Variants in LUZP2 observed in about 807,000 individuals in gnomAD.
LUZP2 encodes leucine zipper protein 2.
A neutral mutation model predicts 51.6 loss-of-function variants in LUZP2; 52 were observed. The ratio of observed to expected loss-of-function variants is 1.01; its 90% CI spans 0.81 to 1.27. The LOEUF (loss-of-function observed/expected upper bound fraction) is 1.27, where lower values mean the gene tolerates loss of function less well. LUZP2 is among the 50% of genes most tolerant of loss of function. LUZP2 has a pLI of 0.00. For missense variants in LUZP2, 436 were observed against 395.4 expected (o/e 1.10, Z -0.87); for synonymous variants, 154 against 137.3 (o/e 1.12, Z -0.85).
At chr11:24,623,793 G>A (rs1281376101) in intron 1 of LUZP2, among the ~76,000 whole-genome samples, 1 of 152,156 alleles carries the variant, frequency 6.6e-6, no homozygotes, top group Non-Finnish European at 1.5e-5. Flanking sequence ...GTTGCAGTGA[G>A]CTGAGGTCAC....
At chr11:24,762,155 T>C (rs542084774) in intron 4 of LUZP2, among the ~76,000 whole-genome samples, 156 of 152,294 alleles carry the variant, frequency 1.0e-3, no homozygotes, top group Admixed American at 4.5e-3. Context: ...TAAAGTTGTG[T>C]ATATGGTAAA....
chr11:25,058,841 A>C (rs1858757854), intron 10 of LUZP2, among the ~76,000 whole-genome samples: 1 of 152,176 alleles, frequency 6.6e-6, no homozygotes, highest in Non-Finnish European at 1.5e-5. Context: ...CTTGCTTTTC[A>C]GTTTCTTAAC....
chr11:24,841,143 A>T (rs1429017160), intron 5 of LUZP2, among the ~76,000 whole-genome samples: 1 of 151,940 alleles, frequency 6.6e-6, no homozygotes, highest in African/African-American at 2.4e-5. Context: ...GTATTAGGAG[A>T]TGAAGCCTTT....
At chr11:24,956,571 G>A (rs2133870936) in intron 7 of LUZP2, among the ~76,000 whole-genome samples, 1 of 152,172 alleles carries the variant, frequency 6.6e-6, no homozygotes, top group South Asian at 2.1e-4. Context: ...GAGTGAAAAT[G>A]TTTTTCAACA....
At chr11:24,927,099 T>G (rs1020446601) in intron 7 of LUZP2, among the ~76,000 whole-genome samples, 1 of 151,766 alleles carries the variant, frequency 6.6e-6, no homozygotes, top group East Asian at 1.9e-4. Flanking sequence ...TGGGATCTTT[T>G]TTTTTTTCTT....
chr11:24,887,771 G>A (rs1358647497), intron 5 of LUZP2, among the ~76,000 whole-genome samples: 1 of 152,164 alleles, frequency 6.6e-6, no homozygotes, highest in Non-Finnish European at 1.5e-5. Context: ...ATATTTAAAA[G>A]GGCAAATGTA....
chr11:24,957,538 G>A lies in LUZP2; in HGVS notation c.523-19053G>A, dbSNP rs199631969. 1.1e-4 allele frequency among the ~76,000 whole-genome samples: 16 copies of A among 151,796 alleles called. No homozygotes were observed. The East Asian group carries it at 2.5e-3, about 24-fold the overall frequency. ...TGCTTCCCAGCCTCTATTTACCACC[G>A]TCCAACTCTCTGCTTTGAGTTTGTT... On this transcript the variant is annotated intron_variant, in intron 7 of 11. Transcript: ENST00000336930.
Position 24,993,966 on chromosome 11 carries a change from T to G in LUZP2, c.765+10673T>G, listed in dbSNP as rs573214628. 9.2e-4 allele frequency among the ~76,000 whole-genome samples: 140 copies of G among 152,298 alleles called. 2 individuals are homozygous for G. Among genetic ancestry groups the G allele is most frequent in the Middle Eastern group, 6.8e-3 (2 of 294 alleles). On this transcript the variant is annotated intron_variant, in intron 9 of 11. Coordinates refer to ENST00000336930, the MANE Select transcript of LUZP2 (RefSeq NM_001009909.4). ...GCCTCCGCCTCCGGGGTTCAAGTGA[T>G]TCTCCTGCCTCAGCCTCCTGAGTAG...
At chr11:24,678,766 C>T (rs1194157811) in intron 1 of LUZP2, among the ~76,000 whole-genome samples, 1 of 152,208 alleles carries the variant, frequency 6.6e-6, no homozygotes, top group Non-Finnish European at 1.5e-5. Flanking sequence ...TTCAGTCCCT[C>T]TGGAAAGCAC....
At chr11:25,061,415 G>A (rs1266388471) in intron 10 of LUZP2, among the ~76,000 whole-genome samples, 1 of 152,132 alleles carries the variant, frequency 6.6e-6, no homozygotes, top group Non-Finnish European at 1.5e-5. Flanking sequence ...TATCTGAGAG[G>A]CAGTGTTTAA....
intron 9 of LUZP2, among the ~76,000 whole-genome samples, chr11:24,999,294 A>T (rs888273224): frequency 2.0e-5 from 3 of 151,954 alleles, no homozygotes; most frequent in African/African-American, 7.2e-5. Flanking sequence ...CCATGGGGAG[A>T]TACAGATATT....
intron 1 of LUZP2, among the ~76,000 whole-genome samples, chr11:24,546,631 C>A (rs1851552962): frequency 6.6e-6 from 1 of 151,964 alleles, no homozygotes; most frequent in South Asian, 2.1e-4. Context: ...GCCCACTTTA[C>A]TGTGGTGAAT....
chr11:25,037,527 A>G (rs59899970), intron 9 of LUZP2, among the ~76,000 whole-genome samples: 2,687 of 152,108 alleles, frequency 0.018, 82 homozygotes, highest in African/African-American at 0.06. Context: ...TGTAGATTTG[A>G]TTGTGTAGTT....
intron 5 of LUZP2, among the ~76,000 whole-genome samples, chr11:24,903,685 T>C (rs1229396119): frequency 2.0e-5 from 3 of 152,114 alleles, no homozygotes; most frequent in South Asian, 2.1e-4. Context: ...GGTTATCTGC[T>C]CTCCTTTAGC....
chr11:24,721,589 G>A (rs889657685), intron 1 of LUZP2, among the ~76,000 whole-genome samples: 2 of 152,076 alleles, frequency 1.3e-5, no homozygotes, highest in African/African-American at 2.4e-5. Flanking sequence ...AAATGTAAGC[G>A]ATGCACAAAT....
At position 24,648,693 on chromosome 11, in the gene LUZP2, G is replaced by T. The variant is rs79870808; in HGVS notation, c.63-80476G>T. Reference sequence around the variant, plus strand: ...AGGCTGTGAATCAGAATGGAGTAATGATCCTGAGAACTGTGTGGATACTAG... The same window carrying T: ...AGGCTGTGAATCAGAATGGAGTAATTATCCTGAGAACTGTGTGGATACTAG... On this transcript the variant is annotated intron_variant, in intron 1 of 11. Transcript: ENST00000336930. 9.0e-3 allele frequency among the ~76,000 whole-genome samples: 1,362 copies of T among 151,994 alleles called. 26 individuals carry two copies. Among genetic ancestry groups the T allele is most frequent in the African/African-American group, 0.032 (1,311 of 41,514 alleles).
intron 1 of LUZP2, among the ~76,000 whole-genome samples, chr11:24,588,285 A>T (rs1345386915): frequency 2.6e-5 from 4 of 152,050 alleles, no homozygotes; most frequent in Non-Finnish European, 5.9e-5. Context: ...TAAAGAAGTA[A>T]ATGAGAGCCT....
chr11:24,585,162 A>G (rs1218339064), intron 1 of LUZP2, among the ~76,000 whole-genome samples: 1 of 152,148 alleles, frequency 6.6e-6, no homozygotes, highest in Non-Finnish European at 1.5e-5. Flanking sequence ...GCATAAACAT[A>G]GGTAAATTTA....
chr11:25,015,052 G>C (rs1411050976), intron 9 of LUZP2, among the ~76,000 whole-genome samples: 1 of 152,122 alleles, frequency 6.6e-6, no homozygotes, highest in Non-Finnish European at 1.5e-5. Context: ...TCAAAGATCA[G>C]ATAGTTGTAG....
Sources: allele counts gnomAD v4.1 joint callset (sites outside exome capture counted in the v4.1 genomes callset), GRCh38; gene constraint gnomAD v4.1.1; transcripts MANE v1.5; gene names NCBI Gene and HGNC (gene_info 2026-07-23, HGNC 2026-07-21).